The following TACC2 variants were observed in gnomAD, a reference collection of about 807,000 sequenced individuals.
TACC2 encodes the protein transforming acidic coiled-coil containing protein 2, also known as transforming acidic coiled-coil-containing protein 2.
In TACC2, 137 loss-of-function variants were observed where a neutral mutation model predicts 227.3. That is an observed-to-expected ratio of 0.60 (90% confidence interval 0.52 to 0.69). The LOEUF is 0.69. TACC2 is among the 30% of genes least tolerant of loss of function. TACC2 has a pLI of 0.00. For synonymous variants in TACC2, 1,523 were observed against 1,487.5 expected, an observed-to-expected ratio of 1.02 and a Z score of -0.55; for missense variants, 3,470 against 3,694.4, an observed-to-expected ratio of 0.94 and a Z score of 1.57.
intron 4 of TACC2, 40 bp from the exon 5 acceptor site, chr10:122,088,438 T>G (rs570222871): frequency 3.9e-6 from 6 of 1,543,188 alleles, no homozygotes; most frequent in Non-Finnish European, 5.3e-6. Flanking sequence ...TGCCTTACTA[T>G]CTACATTATC....
intron 5 of TACC2, among the ~76,000 whole-genome samples, chr10:122,099,310 G>A (rs191034645): frequency 6.6e-6 from 1 of 152,320 alleles, no homozygotes; most frequent in African/African-American, 2.4e-5. Context: ...TGCCGAGCCT[G>A]GGCTTAAGTC....
intron 5 of TACC2, among the ~76,000 whole-genome samples, chr10:122,104,323 T>A (rs920862427): frequency 2.6e-5 from 4 of 152,166 alleles, no homozygotes; most frequent in African/African-American, 7.2e-5. Context: ...CTACTTACTA[T>A]CTTTCTATCT....
chr10:122,056,554 G>A (rs1232212877), intron 3 of TACC2, among the ~76,000 whole-genome samples: 2 of 152,184 alleles, frequency 1.3e-5, no homozygotes, highest in Non-Finnish European at 2.9e-5. Flanking sequence ...GCTGCATTCT[G>A]CCACGCGGCT....
At chr10:122,148,723 G>GAAACGATGAC (rs1424808668) in intron 7 of TACC2, among the ~76,000 whole-genome samples, 1 of 152,244 alleles carries the variant, frequency 6.6e-6, no homozygotes, top group East Asian at 1.9e-4. Flanking sequence ...GGCTGCTGTG[G>GAAACGATGAC]AAACGATGAC....
chr10:122,077,729 G>T (rs530559069), intron 3 of TACC2, among the ~76,000 whole-genome samples: 18 of 152,380 alleles, frequency 1.2e-4, no homozygotes, highest in African/African-American at 4.3e-4. Context: ...GGCTGGTGCA[G>T]GCAGCCAGTA....
chr10:122,143,089 A>G (rs1173084608), intron 6 of TACC2, among the ~76,000 whole-genome samples: 12 of 152,208 alleles, frequency 7.9e-5, no homozygotes, highest in Non-Finnish European at 1.8e-4. Flanking sequence ...GTCCCGGGGC[A>G]GGTTCCCGAA....
intron 1 of TACC2, among the ~76,000 whole-genome samples, chr10:121,989,759 T>A (rs1305417693): frequency 6.6e-6 from 1 of 152,008 alleles, no homozygotes; most frequent in African/African-American, 2.4e-5. Flanking sequence ...ATTTTATTTT[T>A]TTTTTTTATG....
rs567661733 is a variant in TACC2 at position 122,249,577 on chromosome 10, G to C, written c.8694G>C (p.Lys2898Asn). The change falls in exon 22 of 23, where the codon AAG (lysine) becomes AAC (asparagine). Residue 2898 changes from lysine (K) to asparagine (N), a missense_variant. Coordinates refer to ENST00000369005, the MANE Select transcript of TACC2 (RefSeq NM_206862.4). Reference sequence around the variant, plus strand: ...CTGAGATTGCTCAGGTTCGAGGCAAGGCCCAGCAGGAGCAAGCCGCCCACC... The same window carrying C: ...CTGAGATTGCTCAGGTTCGAGGCAACGCCCAGCAGGAGCAAGCCGCCCACC... Reference protein sequence around the residue: ...ANAEIAQVRGKAQQEQAAHQA... With the variant: ...ANAEIAQVRGNAQQEQAAHQA... 3.1e-6 allele frequency: 5 copies of C among 1,614,156 alleles called. No homozygotes were observed. The highest frequency in any genetic ancestry group is 1.7e-5 in the Admixed American group (1 of 60,034).
intron 5 of TACC2, among the ~76,000 whole-genome samples, chr10:122,109,966 C>A (rs2083390183): frequency 6.6e-6 from 1 of 152,164 alleles, no homozygotes; most frequent in African/African-American, 2.4e-5. Context: ...GAATGAACCT[C>A]TTCTCCAAAC....
rs2094497705 is a variant in TACC2 at position 122,194,266 on chromosome 10, C to T, written c.5835-774C>T. Among the ~76,000 whole-genome samples the T allele has an allele frequency of 6.6e-6, 1 of 152,170 alleles. No homozygotes were observed. Among genetic ancestry groups the T allele is most frequent in the South Asian group, 2.1e-4 (1 of 4,816 alleles). On this transcript the variant is annotated intron_variant, in intron 7 of 22. Coordinates refer to ENST00000369005, the MANE Select transcript of TACC2 (RefSeq NM_206862.4). The surrounding 1 kb of genome is among the most constrained non-coding windows in gnomAD (Gnocchi z 4.4). The stretch of plus-strand genomic sequence containing the variant: ...CCCAGGCCAAGGCTTGGCCAGTGGC[C>T]TCTCCTTGTTAGTGGGCAGAGTTTC...
chr10:122,149,103 C>T (rs988529016), intron 7 of TACC2, among the ~76,000 whole-genome samples: 1 of 152,232 alleles, frequency 6.6e-6, no homozygotes, highest in Non-Finnish European at 1.5e-5. Context: ...TCCAGGAATA[C>T]AAGCTGAAAG....
chr10:122,222,695 T>C (rs908160850), intron 11 of TACC2, among the ~76,000 whole-genome samples: 2 of 152,054 alleles, frequency 1.3e-5, no homozygotes, highest in South Asian at 2.1e-4. Context: ...TGGGACACTT[T>C]AGTGAGGCGA....
At chr10:121,999,046 G>A (rs1397557641) in intron 1 of TACC2, among the ~76,000 whole-genome samples, 1 of 146,180 alleles carries the variant, frequency 6.8e-6, no homozygotes. Context: ...GTCTTGCTCT[G>A]TCGCCAGGCT....
Position 122,084,598 on chromosome 10 carries a change from A to G in TACC2, c.2098A>G (p.Thr700Ala). ...GSGLQPKCPD[T>A]LQSREGLGRM... ...AGGATTGCAGCCCAAATGTCCTGAC[A>G]CCCTTCAGAGCAGGGAAGGATTGGG... The change falls in exon 4 of 23, where the codon ACC becomes GCC. Residue 700 changes from threonine to alanine, a missense_variant. Thr to Ala is a moderately conservative substitution (Grantham distance 58). This residue lies in a region of TACC2 where 1,924 missense variants were observed against 1,978.3 expected (regional missense o/e 0.97). Transcript: ENST00000369005. 6.2e-7 allele frequency: 1 copy of G among 1,613,862 alleles called. No individual in the cohort carries two copies. The highest frequency in any genetic ancestry group is 8.5e-7 in the Non-Finnish European group (1 of 1,180,034).
intron 15 of TACC2, 103 bp from the exon 16 acceptor site, chr10:122,230,248 G>C: frequency 1.0e-6 from 1 of 960,564 alleles, no homozygotes; most frequent in South Asian, 1.3e-5. Context: ...CCGAGTGCCT[G>C]TCATGACACA....
intron 3 of TACC2, among the ~76,000 whole-genome samples, chr10:122,060,327 A>G (rs2076657968): frequency 6.6e-6 from 1 of 152,208 alleles, no homozygotes; most frequent in Non-Finnish European, 1.5e-5. Context: ...GCCCCAGGCA[A>G]ATCCCCAAGC....
intron 5 of TACC2, among the ~76,000 whole-genome samples, chr10:122,108,222 A>G (rs188037015): frequency 2.9e-3 from 444 of 152,104 alleles, no homozygotes; most frequent in Middle Eastern, 0.01. Context: ...TTGTGTCCAC[A>G]TAGCTTAGCT....
intron 2 of TACC2, among the ~76,000 whole-genome samples, chr10:122,037,408 A>G (rs985328993): frequency 1.3e-5 from 2 of 152,070 alleles, no homozygotes; most frequent in Non-Finnish European, 2.9e-5. Flanking sequence ...TGGGGGTGAG[A>G]CTCCAGCAGT....
intron 1 of TACC2, among the ~76,000 whole-genome samples, chr10:121,997,947 C>A (rs1953755256): frequency 6.6e-6 from 1 of 152,160 alleles, no homozygotes; most frequent in South Asian, 2.1e-4. Flanking sequence ...CCCCCAAAGG[C>A]AGGCACGAAG....
Sources: allele counts gnomAD v4.1 joint callset (sites outside exome capture counted in the v4.1 genomes callset), GRCh38; gene constraint gnomAD v4.1.1; regional missense constraint gnomAD v4.1.1; non-coding constraint Gnocchi (gnomAD v3.1); transcripts MANE v1.5; gene names NCBI Gene and HGNC (gene_info 2026-07-23, HGNC 2026-07-21).